The following DHX35 variants were observed in gnomAD, a reference collection of about 807,000 sequenced individuals.
DHX35 encodes DEAH-box helicase 35, also known as probable ATP-dependent RNA helicase DHX35.
In DHX35, 84 loss-of-function variants were observed where a neutral mutation model predicts 99.6. That is an observed-to-expected ratio of 0.84 (90% CI 0.71 to 1.01). The LOEUF is 1.01. Ranked by LOEUF, DHX35 falls within the 50% of genes least tolerant of loss-of-function variation. The pLI, the probability that DHX35 is intolerant of heterozygous loss-of-function variation, is 0.00. For missense variants in DHX35, 852 were observed against 888.5 expected, an observed-to-expected ratio of 0.96 and a Z score of 0.52; for synonymous variants, 331 against 316.2, an observed-to-expected ratio of 1.05 and a Z score of -0.50.
intron 3 of DHX35, 58 bp from the exon 4 acceptor site, chr20:38,983,641 G>T: frequency 7.1e-7 from 1 of 1,410,146 alleles, no homozygotes; most frequent in Non-Finnish European, 1.0e-6. Flanking sequence ...GCATCTTGGG[G>T]GAGATTGCTC....
chr20:39,015,653 G>T (rs898173590), intron 14 of DHX35, among the ~76,000 whole-genome samples: 3 of 151,950 alleles, frequency 2.0e-5, no homozygotes, highest in African/African-American at 7.3e-5. Context: ...GATTTATTTT[G>T]AGTGTTACTT....
Position 39,021,909 on chromosome 20 carries a change from G to T in DHX35, c.1567G>T (p.Val523Phe), listed in dbSNP as rs536923132. 1 of 1,614,078 alleles carries T rather than the reference G, an allele frequency of 6.2e-7. No homozygotes were observed. The highest frequency in any genetic ancestry group is 1.3e-5 in the African/African-American group (1 of 75,022). The change falls in exon 16 of 22, where the codon GTC (valine) becomes TTC (phenylalanine). Residue 523 changes from valine (V) to phenylalanine (F), a missense_variant. Val to Phe is a conservative substitution (Grantham distance 50). Transcript: ENST00000252011. ...AMMQIQNIFV[V>F]PPNQKSHAIR... ...GATGCAGATCCAGAATATCTTTGTGGTCCCCCCAAACCAGAAGTCTCACGC... is the reference window on the plus strand; with the variant it reads ...GATGCAGATCCAGAATATCTTTGTGTTCCCCCCAAACCAGAAGTCTCACGC...
At position 38,969,278 on chromosome 20, in the gene DHX35, C is replaced by T. The variant is rs1243129653; in HGVS notation, c.174+64C>T. 2.1e-5 allele frequency: 32 copies of T among 1,532,922 alleles called. 1 individual carries two copies. The highest frequency in any genetic ancestry group is 2.5e-5 in the Non-Finnish European group (28 of 1,131,988). 95.0% of individuals were successfully genotyped at this position (1,532,922 alleles called of 1,614,324 possible). ...CGTGTGTCTGCATTAGCTTTATGCT[C>T]AGCACTGAAGGGAATGATGGCCTCT... On this transcript the variant is annotated intron_variant, in intron 2 of 21. Coordinates refer to ENST00000252011, the MANE Select transcript of DHX35 (RefSeq NM_021931.4).
At chr20:39,022,288 A>G (rs2086886139) in intron 16 of DHX35, among the ~76,000 whole-genome samples, 1 of 152,016 alleles carries the variant, frequency 6.6e-6, no homozygotes, top group Non-Finnish European at 1.5e-5. Flanking sequence ...CCTCCCATGT[A>G]GCTAGGATTA....
chr20:38,972,364 A>G (rs1228758664), intron 2 of DHX35, among the ~76,000 whole-genome samples, 195 bp from the exon 3 acceptor site: 1 of 152,184 alleles, frequency 6.6e-6, no homozygotes, highest in Non-Finnish European at 1.5e-5. Flanking sequence ...GTATTTTGAT[A>G]AGTGTTAACA....
At chr20:38,975,420 A>G (rs1254705794) in intron 3 of DHX35, among the ~76,000 whole-genome samples, 2 of 152,242 alleles carry the variant, frequency 1.3e-5, no homozygotes, top group African/African-American at 2.4e-5. Flanking sequence ...AATAACAGTA[A>G]TAAGTGCTAC....
chr20:38,969,695 T>C (rs1294133044), intron 2 of DHX35, among the ~76,000 whole-genome samples: 1 of 152,228 alleles, frequency 6.6e-6, no homozygotes, highest in African/African-American at 2.4e-5. Context: ...GGTTACTACT[T>C]ACCAAGTGCA....
intron 7 of DHX35, among the ~76,000 whole-genome samples, chr20:38,993,317 AT>A (rs2086370120): frequency 6.6e-6 from 1 of 152,196 alleles, no homozygotes; most frequent in South Asian, 2.1e-4. Flanking sequence ...AAGTAAAAAA[AT>A]TCAGGTTCTC....
At chr20:39,000,573 T>C (rs1377218584) in intron 8 of DHX35, among the ~76,000 whole-genome samples, 1 of 152,184 alleles carries the variant, frequency 6.6e-6, no homozygotes. Context: ...ATTTTGAGGT[T>C]AATATATAAC....
At chr20:38,965,659 G>A (rs2085899626) in intron 1 of DHX35, among the ~76,000 whole-genome samples, 1 of 152,106 alleles carries the variant, frequency 6.6e-6, no homozygotes, top group South Asian at 2.1e-4. Flanking sequence ...ATCTGAATGG[G>A]AAAATTTTAT....
In DHX35 at chr20:38,971,368, A is replaced by G. The variant is rs551012109; in HGVS notation, c.175-1191A>G. Among the ~76,000 whole-genome samples, 5 of 152,264 alleles carry G rather than the reference A, an allele frequency of 3.3e-5. No individual in the cohort carries two copies. The South Asian group carries it at 1.0e-3, about 32-fold the overall frequency. ...ACTCCATCTCAAAAAACAAAACAAAACAAAACAATGTTGGAACTAAAGCAT... is the reference window on the plus strand; with the variant it reads ...ACTCCATCTCAAAAAACAAAACAAAGCAAAACAATGTTGGAACTAAAGCAT... On this transcript the variant is annotated intron_variant, in intron 2 of 21. Transcript: ENST00000252011.
At chr20:38,963,661 A>G (rs1300512620) in intron 1 of DHX35, among the ~76,000 whole-genome samples, 2 of 152,250 alleles carry the variant, frequency 1.3e-5, no homozygotes, top group Non-Finnish European at 2.9e-5. Context: ...AGACCAGGGT[A>G]CTATTTTGGT....
intron 14 of DHX35, among the ~76,000 whole-genome samples, chr20:39,017,691 A>G (rs1296248243): frequency 6.6e-6 from 1 of 152,190 alleles, no homozygotes; most frequent in African/African-American, 2.4e-5. Context: ...TGGGAATCCA[A>G]TACCTGGATA....
intron 13 of DHX35, among the ~76,000 whole-genome samples, chr20:39,014,595 G>C (rs1313803055): frequency 6.6e-6 from 1 of 152,084 alleles, no homozygotes; most frequent in Non-Finnish European, 1.5e-5. Flanking sequence ...AAAATGAAGA[G>C]GTAGTTTAAG....
chr20:39,030,536 C>T (rs1361591427), intron 19 of DHX35, 168 bp from the exon 20 acceptor site: 6 of 605,866 alleles, frequency 9.9e-6, no homozygotes, highest in African/African-American at 7.4e-5. Context: ...TCTGGGGTGG[C>T]AGCCAGGAGA....
chr20:39,034,034 C>T, intron 20 of DHX35, 172 bp from the exon 21 acceptor site: 2 of 593,194 alleles, frequency 3.4e-6, no homozygotes, highest in East Asian at 5.6e-5. Flanking sequence ...CACCATTACC[C>T]AGCACTTAGG....
chr20:38,988,286 A>T (rs1345595532), intron 4 of DHX35, among the ~76,000 whole-genome samples: 1 of 152,026 alleles, frequency 6.6e-6, no homozygotes, highest in East Asian at 1.9e-4. Flanking sequence ...TTCATTGTGT[A>T]TGTTCTTATA....
chr20:39,005,172 TGTAAA>T, intron 11 of DHX35, among the ~76,000 whole-genome samples: 1 of 152,306 alleles, frequency 6.6e-6, no homozygotes, highest in Non-Finnish European at 1.5e-5. Context: ...ATTTATAAAA[TGTAAA>T]GTGCCTGAAA....
At chr20:38,981,144 G>A (rs1314103329) in intron 3 of DHX35, among the ~76,000 whole-genome samples, 1 of 152,168 alleles carries the variant, frequency 6.6e-6, no homozygotes, top group Admixed American at 6.5e-5. Context: ...TAAGGTTCCA[G>A]CTTTTGCCTG....
Sources: allele counts gnomAD v4.1 joint callset (sites outside exome capture counted in the v4.1 genomes callset), GRCh38; gene constraint gnomAD v4.1.1; transcripts MANE v1.5; gene names NCBI Gene and HGNC (gene_info 2026-07-23, HGNC 2026-07-21).